OR51B5: variants seen among roughly 807,000 people sequenced by gnomAD.
The protein encoded by OR51B5 is olfactory receptor family 51 subfamily B member 5, also known as olfactory receptor 51B5.
For synonymous variants in OR51B5, 186 were observed against 144.8 expected, an observed-to-expected ratio of 1.28 and a Z score of -2.04; for missense variants, 456 against 374.6, an observed-to-expected ratio of 1.22 and a Z score of -1.79.
At chr11:5,422,146 T>C in intron 1 of OR51B5, 1 of 1,289,118 alleles carries the variant, frequency 7.8e-7, no homozygotes, top group Non-Finnish European at 1.1e-6. Context: ...TTATTTCTAA[T>C]GTTTCTTTTT....
intron 1 of OR51B5, among the ~76,000 whole-genome samples, chr11:5,440,164 G>A (rs531032209): frequency 1.3e-5 from 2 of 152,058 alleles, no homozygotes; most frequent in Non-Finnish European, 2.9e-5. Flanking sequence ...CATATATTTT[G>A]TCTCTCTTTA....
chr11:5,459,083 G>C (rs1158150607), intron 1 of OR51B5, among the ~76,000 whole-genome samples: 1 of 152,176 alleles, frequency 6.6e-6, no homozygotes, highest in African/African-American at 2.4e-5. Context: ...GATGTTGGCT[G>C]TTAGTTTCTC....
chr11:5,420,685 ATAT>A (rs1850320548), intron 1 of OR51B5, among the ~76,000 whole-genome samples: 1 of 152,054 alleles, frequency 6.6e-6, no homozygotes, highest in Non-Finnish European at 1.5e-5. Flanking sequence ...TTAAATGCTT[ATAT>A]TATTTTCTCT....
chr11:5,429,370 C>CA (rs1850499641), intron 1 of OR51B5, among the ~76,000 whole-genome samples: 1 of 152,058 alleles, frequency 6.6e-6, no homozygotes, highest in Non-Finnish European at 1.5e-5. Context: ...CTAAGTATTT[C>CA]AAAAAAGTCA....
chr11:5,346,111 T>A (rs1437879353), upstream of OR51B5, among the ~76,000 whole-genome samples: 1 of 152,146 alleles, frequency 6.6e-6, no homozygotes, highest in African/African-American at 2.4e-5. Flanking sequence ...TTGTGAAAAA[T>A]TCCTTCTTAT....
chr11:5,342,799 A>T, exon 1 of OR51B5: 1 of 1,613,724 alleles, frequency 6.2e-7, no homozygotes, highest in South Asian at 1.1e-5. Flanking sequence ...CACAGCAGAT[A>T]TGGGAGACAC....
chr11:5,432,205 C>G (rs1383359824), intron 1 of OR51B5, among the ~76,000 whole-genome samples: 1 of 152,184 alleles, frequency 6.6e-6, no homozygotes, highest in Non-Finnish European at 1.5e-5. Context: ...TGGTGATTAT[C>G]ATTCTACACT....
chr11:5,374,144 A>C (rs535657516), intron 1 of OR51B5, among the ~76,000 whole-genome samples: 1 of 152,286 alleles, frequency 6.6e-6, no homozygotes, highest in East Asian at 1.9e-4. Flanking sequence ...CTTCCAGAGG[A>C]ACGATCAGAC....
At chr11:5,401,905 CTT>C (rs1564801110) in intron 1 of OR51B5, among the ~76,000 whole-genome samples, 3 of 133,606 alleles carry the variant, frequency 2.2e-5, no homozygotes, top group South Asian at 2.3e-4. Context: ...CCTTCCTTTT[CTT>C]TCTCTCTCTC....
chr11:5,362,491 AATAGATAACATTGTTAGAT>A, intron 1 of OR51B5: 1 of 157,050 alleles, frequency 6.4e-6, no homozygotes, highest in East Asian at 1.9e-4. Context: ...TATGAATCAG[AATAGATAACATTGTTAGAT>A]ATAATTACCT....
At chr11:5,418,727 G>A (rs915449015) in intron 1 of OR51B5, among the ~76,000 whole-genome samples, 5 of 151,914 alleles carry the variant, frequency 3.3e-5, no homozygotes, top group African/African-American at 7.3e-5. Flanking sequence ...CGAGCCTATC[G>A]GGGGATGGGG....
At chr11:5,381,324 C>A (rs2723373) in intron 1 of OR51B5, among the ~76,000 whole-genome samples, 89,186 of 151,838 alleles carry the variant, frequency 0.59, 26,296 homozygotes, top group South Asian at 0.7. Context: ...GGCCTGAATG[C>A]CTCACACTAA....
chr11:5,408,050 T>C (rs1359835427), intron 1 of OR51B5, among the ~76,000 whole-genome samples: 1 of 152,046 alleles, frequency 6.6e-6, no homozygotes, highest in Non-Finnish European at 1.5e-5. Context: ...ATGATACCTT[T>C]TTCAATTTTT....
At chr11:5,375,341 C>T (rs9667794) in intron 1 of OR51B5, among the ~76,000 whole-genome samples, 40,681 of 150,042 alleles carry the variant, frequency 0.27, 5,839 homozygotes, top group African/African-American at 0.33. Context: ...AAGCACTAAA[C>T]ATGGAAAGGC....
rs1395328220 is a variant in OR51B5, at chr11:5,423,057, C to T, written n.85-76147G>A. 3.1e-6 allele frequency: 5 copies of T among 1,614,080 alleles called. No individual in the cohort carries two copies. In the South Asian group the frequency reaches 5.5e-5, roughly 18 times the overall value. On this transcript the variant is annotated intron_variant and non_coding_transcript_variant, in intron 1 of 4. Coordinates refer to the OR51B5 transcript ENST00000415970. ...ATGGCCAATATCTACCTGCTGGCAC[C>T]CCCGGTGATGAACCCCATCATTTAC...
At chr11:5,505,290 G>C in intron 1 of OR51B5, 1 of 1,295,710 alleles carries the variant, frequency 7.7e-7, no homozygotes, top group Non-Finnish European at 1.0e-6. Flanking sequence ...GACTTCCAAG[G>C]ATGGAAATTT....
intron 1 of OR51B5, chr11:5,430,537 C>T (rs974261337): frequency 5.5e-6 from 2 of 362,736 alleles, no homozygotes; most frequent in Non-Finnish European, 1.1e-5. Context: ...TGTTGCAATA[C>T]TTTGAATTCC....
upstream of OR51B5, among the ~76,000 whole-genome samples, chr11:5,343,853 T>A (rs1395785765): frequency 5.3e-5 from 8 of 152,344 alleles, no homozygotes; most frequent in African/African-American, 1.7e-4. Context: ...TATGCAGATT[T>A]TAAAGAATTC....
chr11:5,414,995 C>G (rs7119595), intron 1 of OR51B5, among the ~76,000 whole-genome samples: 1 of 151,688 alleles, frequency 6.6e-6, no homozygotes, highest in Non-Finnish European at 1.5e-5. Flanking sequence ...CCACACCACA[C>G]CTATTCCAAA....
Sources: allele counts gnomAD v4.1 joint callset (sites outside exome capture counted in the v4.1 genomes callset), GRCh38; gene constraint gnomAD v4.1.1; transcripts MANE v1.5; gene names NCBI Gene and HGNC (gene_info 2026-07-23, HGNC 2026-07-21).